The following HFE variants were observed in gnomAD, a reference collection of about 807,000 sequenced individuals.
The protein encoded by HFE is hereditary hemochromatosis protein.
A neutral mutation model predicts 40.9 loss-of-function variants in HFE; 36 were observed. The ratio of observed to expected loss-of-function variants is 0.88; its 90% CI spans 0.67 to 1.16. HFE has a LOEUF of 1.16. Ranked by LOEUF, HFE falls within the 50% of genes most tolerant of loss-of-function variation. The pLI, the probability that HFE is intolerant of heterozygous loss-of-function variation, is 0.00. For missense variants in HFE, 376 were observed against 432.0 expected (o/e 0.87, Z 1.15); for synonymous variants, 157 against 165.4 (o/e 0.95, Z 0.39).
At position 26,095,649 on chromosome 6, in the gene HFE, T is replaced by G. The variant is rs1426665670; in HGVS notation, c.*1423T>G. 3.3e-5 allele frequency: 5 copies of G among 152,186 alleles called. No individual in the cohort carries two copies. The highest frequency in any genetic ancestry group is 1.2e-4 in the African/African-American group (5 of 41,430). The allele number at this position is 152,186 out of a possible 1,614,324, so 9.4% of individuals were successfully genotyped here. A position where few individuals can be genotyped will look rare whatever the true frequency, so the allele number is the denominator to read the frequency against. ...CATTCAGTAGTTTAGATGCCTAGAA[T>G]AAATAGAGAAGGAAGGAGATGGCTC... On this transcript the variant is annotated 3_prime_UTR_variant, in exon 6 of 6. Coordinates refer to ENST00000357618, the MANE Select transcript of HFE (RefSeq NM_000410.4).
chr6:26,091,055 G>C lies in HFE; in HGVS notation c.291G>C (p.Met97Ile). ...LSQSLKGWDH[M>I]FTVDFWTIME... Reference sequence around the variant, plus strand: ...AGAGTCTGAAAGGGTGGGATCACATGTTCACTGTTGACTTCTGGACTATTA... The same window carrying C: ...AGAGTCTGAAAGGGTGGGATCACATCTTCACTGTTGACTTCTGGACTATTA... The change falls in exon 2 of 6, where the codon ATG becomes ATC. Residue 97 changes from methionine (M) to isoleucine (I), a missense_variant. Physicochemically the swap from Met to Ile is conservative, Grantham distance 10. This residue lies in a region of HFE where 200 missense variants were observed against 228.5 expected (regional missense o/e 0.88). Coordinates refer to ENST00000357618, the MANE Select transcript of HFE (RefSeq NM_000410.4). 5 of 1,614,176 alleles carry C rather than the reference G, an allele frequency of 3.1e-6. No homozygotes were observed. Among genetic ancestry groups the C allele is most frequent in the Non-Finnish European group, 4.2e-6 (5 of 1,180,026 alleles).
At position 26,087,454 on chromosome 6, in the gene HFE, C is replaced by A; in HGVS notation, c.14C>A (p.Ala5Asp). ...AGAGCTGGGGAAATGGGCCCGCGAGCCAGGCCGGCGCTTCTCCTCCTGATG... is the reference window on the plus strand; with the variant it reads ...AGAGCTGGGGAAATGGGCCCGCGAGACAGGCCGGCGCTTCTCCTCCTGATG... MGPRARPALLLLMLL... is the reference protein window; with the variant it reads MGPRDRPALLLLMLL... The change falls in exon 1 of 6, where the codon GCC becomes GAC. Residue 5 changes from alanine to aspartate, a missense_variant. By Grantham distance (126) the Ala-to-Asp change is moderately radical. Coordinates refer to ENST00000357618, the MANE Select transcript of HFE (RefSeq NM_000410.4). The A allele has an allele frequency of 6.2e-7, 1 of 1,614,060 alleles. No individual in the cohort carries two copies. Among genetic ancestry groups the A allele is most frequent in the Non-Finnish European group, 8.5e-7 (1 of 1,179,982 alleles).
At position 26,096,849 on chromosome 6, in the gene HFE, A is replaced by AGTTCTT. The variant is rs1262669551; in HGVS notation, c.*2628_*2633dup. On this transcript the variant is annotated 3_prime_UTR_variant, in exon 6 of 6. Coordinates refer to ENST00000357618, the MANE Select transcript of HFE (RefSeq NM_000410.4). ...ATTGTATACTGCATGATTTTATTGA[A>AGTTCTT]GTTCTTGTTCATCTTGTGTATATAC... 16 of 283,914 alleles carry AGTTCTT rather than the reference A, an allele frequency of 5.6e-5. No homozygotes were observed. The highest frequency in any genetic ancestry group is 2.9e-4 in the African/African-American group (13 of 44,134). 17.6% of individuals were successfully genotyped at this position (283,914 alleles called of 1,614,324 possible). A position where few individuals can be genotyped will look rare whatever the true frequency, so the allele number is the denominator to read the frequency against.
rs143662783 is a variant in HFE, at chr6:26,087,490, C to G, written c.50C>G (p.Thr17Ser). The change falls in exon 1 of 6, where the codon ACC (threonine) becomes AGC (serine). Residue 17 changes from threonine to serine, a missense_variant. Coordinates refer to ENST00000357618, the MANE Select transcript of HFE (RefSeq NM_000410.4). ...PALLLLMLLQTAVLQGRLLRS... is the reference protein window; with the variant it reads ...PALLLLMLLQSAVLQGRLLRS... ...CTTCTCCTCCTGATGCTTTTGCAGACCGCGGTCCTGCAGGGGCGCTTGCTG... is the reference window on the plus strand; with the variant it reads ...CTTCTCCTCCTGATGCTTTTGCAGAGCGCGGTCCTGCAGGGGCGCTTGCTG... 4.3e-6 allele frequency: 7 copies of G among 1,613,908 alleles called. No homozygotes were observed. The African/African-American group carries it at 9.3e-5, about 22-fold the overall frequency.
intron 1 of HFE, among the ~76,000 whole-genome samples, chr6:26,089,126 T>TGGG (rs1762497233): frequency 1.2e-4 from 1 of 8,322 alleles, no homozygotes; most frequent in Non-Finnish European, 2.8e-4. Context: ...GGGGGCGGCG[T>TGGG]GGGGGTGGGA....
At position 26,090,876 on chromosome 6, in the gene HFE, T is replaced by C; in HGVS notation, c.112T>C (p.Ser38Pro). 1 of 1,614,138 alleles carries C rather than the reference T, an allele frequency of 6.2e-7. No individual in the cohort carries two copies. Among genetic ancestry groups the C allele is most frequent in the South Asian group, 1.1e-5 (1 of 91,080 alleles). ...HSLHYLFMGASEQDLGLSLFE... is the reference protein window; with the variant it reads ...HSLHYLFMGAPEQDLGLSLFE... ...TCTGCACTACCTCTTCATGGGTGCC[T>C]CAGAGCAGGACCTTGGTCTTTCCTT... is the stretch of plus-strand genomic sequence containing the variant. Residue 38 changes from serine to proline, a missense_variant, in exon 2 of 6, where the codon TCA becomes CCA. Physicochemically the swap from Ser to Pro is moderately conservative, Grantham distance 74. Coordinates refer to ENST00000357618, the MANE Select transcript of HFE (RefSeq NM_000410.4).
At chr6:26,092,575 T>C (rs1390646750) in intron 3 of HFE, 110 bp from the exon 4 acceptor site, 3 of 1,605,292 alleles carry the variant, frequency 1.9e-6, no homozygotes, top group Non-Finnish European at 2.5e-6. Flanking sequence ...CTTGTTTTTT[T>C]CTGAAAAGGG....
At chr6:26,089,366 A>G (rs1278745572) in intron 1 of HFE, among the ~76,000 whole-genome samples, 1 of 152,198 alleles carries the variant, frequency 6.6e-6, no homozygotes, top group African/African-American at 2.4e-5. Context: ...GAGGAGCCAC[A>G]AACAAGGTTG....
chr6:26,092,999 T>A (rs773843001), intron 4 of HFE, 39 bp downstream of exon 4: 1 of 1,613,844 alleles, frequency 6.2e-7, no homozygotes, highest in East Asian at 2.2e-5. Context: ...AGAAAATCTA[T>A]TGGGGGTTGA....
chr6:26,096,138 CAA>C lies in HFE; in HGVS notation c.*1915_*1916del, dbSNP rs942496373. The C allele has an allele frequency of 6.3e-6, 1 of 159,446 alleles. No homozygotes were observed. The highest frequency in any genetic ancestry group is 1.3e-5 in the Non-Finnish European group (1 of 74,388). The allele number at this position is 159,446 out of a possible 1,614,324, so 9.9% of individuals were successfully genotyped here. A position where few individuals can be genotyped will look rare whatever the true frequency, so the allele number is the denominator to read the frequency against. ...TTCTGGGAAATCAGTTCACCATGTTCAAAAGAGTCTTTTTTTTTTTTTTGAGA... is the reference window on the plus strand; with the variant it reads ...TTCTGGGAAATCAGTTCACCATGTTCAAGAGTCTTTTTTTTTTTTTTGAGA... On this transcript the variant is annotated 3_prime_UTR_variant, in exon 6 of 6. Transcript: ENST00000357618.
rs1289740106 is a variant in HFE at position 26,096,753 on chromosome 6, A to T, written c.*2527A>T. The T allele has an allele frequency of 5.4e-6, 2 of 369,878 alleles. No individual in the cohort carries two copies. Among genetic ancestry groups the T allele is most frequent in the African/African-American group, 4.3e-5 (2 of 46,988 alleles). 22.9% of individuals were successfully genotyped at this position (369,878 alleles called of 1,614,324 possible). ...TTAATTAGCCAGTGAAAAACTATTA[A>T]CAACTTGTCTATTACCTGTTAGTAT... On this transcript the variant is annotated 3_prime_UTR_variant, in exon 6 of 6. Transcript: ENST00000357618.
At position 26,090,389 on chromosome 6, in the gene HFE, G is replaced by C. The variant is rs575934426; in HGVS notation, c.77-452G>C. ...ACCCAGGAGGTGCAGGTTGCAGTGAGCTGAGATTGTGCCACTGCACTCCAG... is the reference window on the plus strand; with the variant it reads ...ACCCAGGAGGTGCAGGTTGCAGTGACCTGAGATTGTGCCACTGCACTCCAG... On this transcript the variant is annotated intron_variant, in intron 1 of 5. Transcript: ENST00000357618. Among the ~76,000 whole-genome samples, 12 of 133,008 alleles carry C rather than the reference G, an allele frequency of 9.0e-5. No homozygotes were observed. In the South Asian group the frequency reaches 2.9e-3, roughly 32 times the overall value. 87.3% of individuals were successfully genotyped at this position (133,008 alleles called of 152,430 possible). A position where few individuals can be genotyped will look rare whatever the true frequency, so the allele number is the denominator to read the frequency against.
chr6:26,094,739 A>C lies in HFE; in HGVS notation c.*513A>C. The C allele has an allele frequency of 2.3e-6, 1 of 432,374 alleles. No individual in the cohort carries two copies. The highest frequency in any genetic ancestry group is 2.3e-5 in the South Asian group (1 of 42,770). The allele number at this position is 432,374 out of a possible 1,614,324, so 26.8% of individuals were successfully genotyped here. ...TGTGTTACCCAGTAACTCATCTGTC[A>C]CCAAGCCTTGGGGATTCTTCCATCT... On this transcript the variant is annotated 3_prime_UTR_variant, in exon 6 of 6. Coordinates refer to ENST00000357618, the MANE Select transcript of HFE (RefSeq NM_000410.4).
Position 26,091,435 on chromosome 6 carries a change from T to G in HFE, c.462T>G (p.Asp154Glu), listed in dbSNP as rs762015221. The G allele has an allele frequency of 2.3e-5, 37 of 1,613,774 alleles. No homozygotes were observed. The highest frequency in any genetic ancestry group is 3.1e-5 in the Non-Finnish European group (37 of 1,179,970). The change falls in exon 3 of 6, where the codon GAT becomes GAG. Residue 154 changes from aspartate to glutamate, a missense_variant. Transcript: ENST00000357618. ...TTGAATTCTGCCCTGACACACTGGA[T>G]TGGAGAGCAGCAGAACCCAGGGCCT... Reference protein sequence around the residue: ...DHLEFCPDTLDWRAAEPRAWP... With the variant: ...DHLEFCPDTLEWRAAEPRAWP...
At chr6:26,092,525 G>T in intron 3 of HFE, 160 bp from the exon 4 acceptor site, 1 of 1,210,754 alleles carries the variant, frequency 8.3e-7, no homozygotes, top group East Asian at 2.4e-5. Context: ...CACTGTGTTA[G>T]AGTCCAATCT....
chr6:26,092,596 C>T, intron 3 of HFE, 89 bp from the exon 4 acceptor site: 1 of 1,612,378 alleles, frequency 6.2e-7, no homozygotes. Flanking sequence ...TATTTCCTTC[C>T]TCCAACCTAT....
At chr6:26,087,638 C>A in intron 1 of HFE, 122 bp downstream of exon 1, 2 of 777,368 alleles carry the variant, frequency 2.6e-6, no homozygotes, top group Non-Finnish European at 4.2e-6. Flanking sequence ...TATCCGCAAG[C>A]CCCTCTCCCT....
In HFE at chr6:26,090,863, C is replaced by T. The variant is rs753662663; in HGVS notation, c.99C>T (p.Leu33=). The T allele has an allele frequency of 3.7e-6, 6 of 1,613,986 alleles. No individual in the cohort carries two copies. The Admixed American group carries it at 1.0e-4, about 27-fold the overall frequency. ...CAGGTTCACACTCTCTGCACTACCT[C>T]TTCATGGGTGCCTCAGAGCAGGACC... ...RLLRSHSLHY[L]FMGASEQDLG... is the part of the protein sequence containing the mutation. The change falls in exon 2 of 6, where the codon CTC becomes CTT. Residue 33 remains leucine, a synonymous_variant. Coordinates refer to ENST00000357618, the MANE Select transcript of HFE (RefSeq NM_000410.4).
intron 5 of HFE, among the ~76,000 whole-genome samples, chr6:26,093,456 A>C (rs765333208): frequency 3.3e-5 from 5 of 152,170 alleles, no homozygotes; most frequent in Non-Finnish European, 5.9e-5. Context: ...AGAGCTGTTT[A>C]AGGTAGTACA....
Sources: allele counts gnomAD v4.1 joint callset (sites outside exome capture counted in the v4.1 genomes callset), GRCh38; gene constraint gnomAD v4.1.1; regional missense constraint gnomAD v4.1.1; transcripts MANE v1.5; gene names NCBI Gene and HGNC (gene_info 2026-07-23, HGNC 2026-07-21).